Variants in TOX2 observed in about 807,000 individuals in gnomAD.
TOX2 encodes the protein granulosa cell HMG box 1.
A neutral mutation model predicts 47.4 loss-of-function variants in TOX2; 15 were observed. The observed-to-expected ratio is 0.32, with a 90% CI of 0.21 to 0.49. TOX2 has a LOEUF of 0.49. TOX2 is among the 20% of genes least tolerant of loss of function. The probability of loss-of-function intolerance (pLI) is 0.99; values close to 1 mark genes in which losing one functional copy is unlikely to be tolerated. For missense variants in TOX2, 622 were observed against 673.1 expected (o/e 0.92, Z 0.84); for synonymous variants, 290 against 296.6 (o/e 0.98, Z 0.23).
chr20:43,966,401 G>T (rs1165975881), intron 1 of TOX2, among the ~76,000 whole-genome samples: 1 of 152,022 alleles, frequency 6.6e-6, no homozygotes, highest in South Asian at 2.1e-4. Flanking sequence ...CCTAGGAAGA[G>T]GTAGATTTCG....
rs2069043983 is a variant in TOX2, at chr20:43,915,355, A to G, written c.99+365A>G. Among the ~76,000 whole-genome samples, 1 of 152,072 alleles carries G rather than the reference A, an allele frequency of 6.6e-6. No homozygotes were observed. The highest frequency in any genetic ancestry group is 2.4e-5 in the African/African-American group (1 of 41,402). ...CTGACAGTCACTTATACACAACGAC[A>G]CGCAACCACTCACCCGCAAACAGCC... On this transcript the variant is annotated intron_variant, in intron 1 of 8. Transcript: ENST00000341197. This position sits in a 1 kb window ranked among gnomAD's most constrained non-coding sequence, Gnocchi z 7.1.
intron 2 of TOX2, among the ~76,000 whole-genome samples, chr20:43,979,350 T>C (rs1337939985): frequency 2.0e-5 from 3 of 151,990 alleles, no homozygotes; most frequent in Non-Finnish European, 4.4e-5. Context: ...GAAGGCAAAG[T>C]AGAGGAGGAG....
chr20:43,962,192 A>T (rs1010297434), intron 1 of TOX2, among the ~76,000 whole-genome samples: 1 of 152,218 alleles, frequency 6.6e-6, no homozygotes, highest in Non-Finnish European at 1.5e-5. Flanking sequence ...CAGTGGCAGT[A>T]CCAGGGAAGG....
chr20:44,046,574 C>A (rs1179735854), intron 3 of TOX2, among the ~76,000 whole-genome samples: 2 of 152,102 alleles, frequency 1.3e-5, no homozygotes, highest in Non-Finnish European at 2.9e-5. Context: ...AATGGATAAG[C>A]AAAATGTAGT....
In TOX2 at chr20:43,968,618, A is replaced by C. The variant is rs146721274; in HGVS notation, c.100-4749A>C. On this transcript the variant is annotated intron_variant, in intron 1 of 8. Coordinates refer to ENST00000341197, the MANE Select transcript of TOX2 (RefSeq NM_001098797.2). ...TTATCCCTACACATTCGATATTTGC[A>C]AAAATGTGGGTTCTTTCAGATTCCA... 7.2e-4 allele frequency among the ~76,000 whole-genome samples: 110 copies of C among 152,312 alleles called. No individual in the cohort carries two copies. The Middle Eastern group carries it at 0.024, about 33-fold the overall frequency.
intron 1 of TOX2, among the ~76,000 whole-genome samples, chr20:43,933,968 T>C (rs921539566): frequency 6.6e-5 from 10 of 151,722 alleles, no homozygotes; most frequent in Non-Finnish European, 1.0e-4. Flanking sequence ...CTGTGTCCCC[T>C]GGGGTGGCCG....
intron 2 of TOX2, among the ~76,000 whole-genome samples, chr20:43,981,456 A>G (rs1357724295): frequency 6.6e-6 from 1 of 152,194 alleles, no homozygotes; most frequent in Non-Finnish European, 1.5e-5. Flanking sequence ...TGATTAAATA[A>G]CCTTGGAAGG....
intron 1 of TOX2, among the ~76,000 whole-genome samples, chr20:43,953,857 A>G (rs1166424079): frequency 6.6e-6 from 1 of 152,182 alleles, no homozygotes; most frequent in Non-Finnish European, 1.5e-5. Context: ...CGACTAGGTT[A>G]GAAGACTGTC....
intron 3 of TOX2, among the ~76,000 whole-genome samples, chr20:44,017,463 G>A (rs2070899955): frequency 6.6e-6 from 1 of 152,124 alleles, no homozygotes; most frequent in African/African-American, 2.4e-5. Flanking sequence ...AGCTGACGTG[G>A]GCAGCTCAGT....
At chr20:43,971,520 C>T (rs752411215) in intron 1 of TOX2, among the ~76,000 whole-genome samples, 34 of 152,200 alleles carry the variant, frequency 2.2e-4, no homozygotes, top group Non-Finnish European at 3.7e-4. Flanking sequence ...TGGATTTCTA[C>T]GGCCTCCGTG....
chr20:43,921,413 G>T lies in TOX2; in HGVS notation c.99+6423G>T, dbSNP rs150599275. On this transcript the variant is annotated intron_variant, in intron 1 of 8. Transcript: ENST00000341197. ...GAACACTGCCTTCACCACCATCAGG[G>T]CAGGCAAGTTATTTAACCTCCCTGG... 2.5e-3 allele frequency among the ~76,000 whole-genome samples: 377 copies of T among 152,276 alleles called. 1 individual carries two copies. Among genetic ancestry groups the T allele is most frequent in the African/African-American group, 8.7e-3 (361 of 41,546 alleles).
Position 44,069,019 on chromosome 20 carries a change from GC to G in TOX2, c.*337del. 2.2e-6 allele frequency: 1 copy of G among 455,318 alleles called. No individual in the cohort carries two copies. Among genetic ancestry groups the G allele is most frequent in the Non-Finnish European group, 4.2e-6 (1 of 236,508 alleles). 28.2% of individuals were successfully genotyped at this position (455,318 alleles called of 1,614,324 possible). On this transcript the variant is annotated 3_prime_UTR_variant, in exon 9 of 9. Coordinates refer to ENST00000341197, the MANE Select transcript of TOX2 (RefSeq NM_001098797.2). ...GCTCCAGCCCCAGCCCAGGTGGGCC[GC>G]CCCTGGCGGGGTCGCTTACCAACGG...
At chr20:44,031,295 G>A (rs1349166836) in intron 3 of TOX2, among the ~76,000 whole-genome samples, 1 of 152,160 alleles carries the variant, frequency 6.6e-6, no homozygotes, top group Non-Finnish European at 1.5e-5. Context: ...GTACTGCGCT[G>A]GAATAAGCCT....
chr20:43,958,191 T>C (rs181154815), intron 1 of TOX2, among the ~76,000 whole-genome samples: 1 of 152,346 alleles, frequency 6.6e-6, no homozygotes, highest in East Asian at 1.9e-4. Context: ...TCATTGATTT[T>C]AGAATTCTTG....
At chr20:44,002,665 T>A (rs2070604643) in intron 2 of TOX2, among the ~76,000 whole-genome samples, 1 of 152,206 alleles carries the variant, frequency 6.6e-6, no homozygotes, top group Non-Finnish European at 1.5e-5. Flanking sequence ...TGTATCAGCA[T>A]GGCACCCACA....
At chr20:44,054,163 C>T (rs1162663734) in intron 4 of TOX2, 136 bp from the exon 5 acceptor site, 1 of 832,950 alleles carries the variant, frequency 1.2e-6, no homozygotes, top group Admixed American at 2.1e-5. Flanking sequence ...CTGTCCATTG[C>T]CCCCTCCATC....
chr20:44,063,492 T>C (rs1469382227), intron 5 of TOX2, among the ~76,000 whole-genome samples: 3 of 152,200 alleles, frequency 2.0e-5, no homozygotes, highest in Non-Finnish European at 4.4e-5. Flanking sequence ...GGGAACACTT[T>C]TACACTGTTG....
intron 3 of TOX2, among the ~76,000 whole-genome samples, chr20:44,028,483 C>G (rs1285964003): frequency 6.6e-6 from 1 of 152,234 alleles, no homozygotes; most frequent in Non-Finnish European, 1.5e-5. Context: ...ATTGGAGTTT[C>G]TCTGCTTCAT....
At chr20:44,066,647 A>G in intron 7 of TOX2, 83 bp from the exon 8 acceptor site, 1 of 1,606,900 alleles carries the variant, frequency 6.2e-7, no homozygotes, top group Non-Finnish European at 8.5e-7. Flanking sequence ...CCTTGGACAC[A>G]TGGGCTCTCA....
Sources: gnomAD v4.1 joint callset for allele counts (sites outside exome capture counted in the v4.1 genomes callset) on GRCh38, gnomAD v4.1.1 for gene constraint, Gnocchi (gnomAD v3.1) non-coding constraint, MANE v1.5 for transcripts, NCBI Gene and HGNC (gene_info 2026-07-23, HGNC 2026-07-21) for gene names.